ADAMTS3: variants seen among roughly 807,000 people sequenced by gnomAD.
The protein encoded by ADAMTS3 is A disintegrin and metalloproteinase with thrombospondin motifs 3.
ADAMTS3 carries 73 observed loss-of-function variants against 129.0 expected under a neutral mutation model. The ratio of observed to expected loss-of-function variants is 0.57; its 90% CI spans 0.47 to 0.69. The LOEUF is 0.69. Ranked by LOEUF, ADAMTS3 falls within the 30% of genes least tolerant of loss-of-function variation. The pLI is 0.00. For synonymous variants in ADAMTS3, 477 were observed against 510.8 expected (o/e 0.93, Z 0.89); for missense variants, 1,457 against 1,514.5 (o/e 0.96, Z 0.63).
chr4:72,345,883 G>A (rs1180230830), intron 4 of ADAMTS3, among the ~76,000 whole-genome samples: 1 of 151,972 alleles, frequency 6.6e-6, no homozygotes, highest in Non-Finnish European at 1.5e-5. Context: ...ACTCTGACTG[G>A]CAGTAAAAAA....
chr4:72,450,969 A>AAGAAGAGAAGAGAAGAGAAGAGAAG (rs67162859), intron 3 of ADAMTS3, among the ~76,000 whole-genome samples: 3,972 of 140,088 alleles, frequency 0.028, 92 homozygotes, highest in African/African-American at 0.041. Context: ...GGCAGGCAAA[A>AAGAAGAGAAGAGAAGAGAAGAGAAG]AGAAGAGAAG....
intron 3 of ADAMTS3, among the ~76,000 whole-genome samples, chr4:72,422,871 C>T (rs1290006067): frequency 6.6e-6 from 1 of 152,100 alleles, no homozygotes; most frequent in African/African-American, 2.4e-5. Context: ...TTATAAACTA[C>T]AAAGTCCTAC....
At chr4:72,393,072 C>T (rs1227005023) in intron 4 of ADAMTS3, among the ~76,000 whole-genome samples, 1 of 152,066 alleles carries the variant, frequency 6.6e-6, no homozygotes, top group East Asian at 1.9e-4. Context: ...ATTACAGGCA[C>T]CTGCCACCAC....
chr4:72,480,758 GA>G (rs569494669), intron 3 of ADAMTS3, among the ~76,000 whole-genome samples: 2,507 of 137,592 alleles, frequency 0.018, 25 homozygotes, highest in African/African-American at 0.03. Context: ...ATGTATACTG[GA>G]AAAAAAAAAA....
intron 4 of ADAMTS3, among the ~76,000 whole-genome samples, chr4:72,374,029 G>A (rs1721080016): frequency 6.6e-6 from 1 of 151,772 alleles, no homozygotes; most frequent in Non-Finnish European, 1.5e-5. Flanking sequence ...AAGGTTATGT[G>A]AGGCACTCAT....
At chr4:72,384,906 C>A (rs867826427) in intron 4 of ADAMTS3, among the ~76,000 whole-genome samples, 1 of 152,094 alleles carries the variant, frequency 6.6e-6, no homozygotes, top group South Asian at 2.1e-4. Context: ...TGGTGGCTCA[C>A]GCCTGTAATC....
chr4:72,356,989 A>G (rs912834821), intron 4 of ADAMTS3, among the ~76,000 whole-genome samples: 2 of 151,950 alleles, frequency 1.3e-5, no homozygotes, highest in Non-Finnish European at 2.9e-5. Context: ...GTTCTTAGAC[A>G]TGTACTTAAT....
intron 3 of ADAMTS3, among the ~76,000 whole-genome samples, chr4:72,543,410 A>T (rs1671155027): frequency 6.6e-6 from 1 of 152,194 alleles, no homozygotes. Context: ...AGATATGTGT[A>T]CACTCATGTT....
intron 3 of ADAMTS3, among the ~76,000 whole-genome samples, chr4:72,528,817 A>C (rs754965488): frequency 5.3e-5 from 8 of 152,114 alleles, no homozygotes; most frequent in Non-Finnish European, 7.4e-5. Flanking sequence ...ATCCATACCA[A>C]TCAGTCTGTC....
intron 11 of ADAMTS3, among the ~76,000 whole-genome samples, chr4:72,314,802 T>G (rs1218394155): frequency 6.6e-5 from 10 of 152,202 alleles, no homozygotes; most frequent in Non-Finnish European, 1.5e-4. Flanking sequence ...GTTTTATTAT[T>G]ATTATGCATA....
intron 4 of ADAMTS3, among the ~76,000 whole-genome samples, chr4:72,398,440 T>C (rs1721784781): frequency 1.3e-5 from 2 of 151,968 alleles, no homozygotes; most frequent in South Asian, 4.1e-4. Flanking sequence ...GTGGGCATAG[T>C]AACGCACAAC....
At chr4:72,408,321 G>A (rs1169366036) in intron 4 of ADAMTS3, among the ~76,000 whole-genome samples, 1 of 151,966 alleles carries the variant, frequency 6.6e-6, no homozygotes, top group African/African-American at 2.4e-5. Context: ...AAGACAGAGG[G>A]TAGTGAGAAT....
intron 6 of ADAMTS3, 91 bp from the exon 7 acceptor site, chr4:72,320,961 G>T: frequency 7.5e-7 from 1 of 1,327,388 alleles, no homozygotes; most frequent in Non-Finnish European, 1.0e-6. Context: ...TGGGATTAAA[G>T]TATTTAAACA....
chr4:72,302,869 A>G (rs1004464109), intron 17 of ADAMTS3, among the ~76,000 whole-genome samples: 1 of 152,166 alleles, frequency 6.6e-6, no homozygotes, highest in Non-Finnish European at 1.5e-5. Flanking sequence ...ATAAATGAGT[A>G]AAAGAGGGCT....
intron 2 of ADAMTS3, among the ~76,000 whole-genome samples, chr4:72,563,156 C>T (rs1721945088): frequency 6.6e-6 from 1 of 152,120 alleles, no homozygotes. Context: ...GCAGTGAAAG[C>T]ATGGCTAAAC....
chr4:72,559,526 C>G (rs1300964630), intron 2 of ADAMTS3, among the ~76,000 whole-genome samples: 2 of 151,698 alleles, frequency 1.3e-5, no homozygotes, highest in African/African-American at 2.4e-5. Context: ...GGACAGTTTA[C>G]AAGTCCATGG....
intron 2 of ADAMTS3, among the ~76,000 whole-genome samples, chr4:72,554,923 T>C (rs6846360): frequency 0.88 from 134,159 of 151,694 alleles, 62,118 homozygotes; most frequent in East Asian, 1. Flanking sequence ...TTACGGGTAA[T>C]AGTATTGACT....
chr4:72,495,429 C>G (rs1224706150), intron 3 of ADAMTS3, among the ~76,000 whole-genome samples: 1 of 152,082 alleles, frequency 6.6e-6, no homozygotes, highest in Non-Finnish European at 1.5e-5. Flanking sequence ...TTATTTATTA[C>G]TTAAACTGAA....
At chr4:72,382,717 T>C (rs1721326242) in intron 4 of ADAMTS3, among the ~76,000 whole-genome samples, 1 of 152,266 alleles carries the variant, frequency 6.6e-6, no homozygotes, top group Admixed American at 6.5e-5. Flanking sequence ...AATGAAATCA[T>C]GTCCTTCATA....
Sources: gnomAD v4.1 joint callset for allele counts (sites outside exome capture counted in the v4.1 genomes callset) on GRCh38, gnomAD v4.1.1 for gene constraint, MANE v1.5 for transcripts, NCBI Gene and HGNC (gene_info 2026-07-23, HGNC 2026-07-21) for gene names.